Variants in GRIN2B observed in about 807,000 individuals in gnomAD.
GRIN2B encodes the protein glutamate receptor ionotropic, NMDA 2B.
Under a neutral mutation model 114.5 loss-of-function variants are expected in GRIN2B, and 5 were observed. That is an observed-to-expected ratio of 0.04 (90% confidence interval 0.02 to 0.09). The LOEUF (loss-of-function observed/expected upper bound fraction) is 0.09, where lower values mean the gene tolerates loss of function less well. Ranked by LOEUF, GRIN2B falls within the 10% of genes least tolerant of loss-of-function variation. GRIN2B has a pLI of 1.00. For synonymous variants in GRIN2B, 787 were observed against 745.1 expected (o/e 1.06, Z -0.92); for missense variants, 1,108 against 1,943.5 (o/e 0.57, Z 8.08).
chr12:13,867,200 A>T (rs1161918862), intron 2 of GRIN2B, among the ~76,000 whole-genome samples: 1 of 152,202 alleles, frequency 6.6e-6, no homozygotes, highest in African/African-American at 2.4e-5. Flanking sequence ...GCCATCCTAT[A>T]GTCGTGACTT....
chr12:13,627,289 T>C (rs1024699045), intron 5 of GRIN2B, among the ~76,000 whole-genome samples: 1 of 152,194 alleles, frequency 6.6e-6, no homozygotes, highest in Non-Finnish European at 1.5e-5. Flanking sequence ...TATCCTATCA[T>C]ACAGTTGTCT....
chr12:13,592,596 G>A (rs909554988), intron 10 of GRIN2B, among the ~76,000 whole-genome samples: 2 of 152,186 alleles, frequency 1.3e-5, no homozygotes, highest in South Asian at 4.1e-4. Flanking sequence ...ACAAAGGCCA[G>A]AAATGGGTAA....
intron 2 of GRIN2B, among the ~76,000 whole-genome samples, chr12:13,949,280 A>G (rs931457965): frequency 3.3e-5 from 5 of 152,316 alleles, no homozygotes; most frequent in African/African-American, 1.2e-4. Context: ...GAGAAATCTC[A>G]GAAGATTCTG....
chr12:13,934,924 C>T (rs75913602), intron 2 of GRIN2B, among the ~76,000 whole-genome samples: 4,176 of 152,168 alleles, frequency 0.027, 194 homozygotes, highest in African/African-American at 0.095. Context: ...TCTTCTAGGT[C>T]TCCAGCTAAA....
intron 10 of GRIN2B, among the ~76,000 whole-genome samples, chr12:13,602,038 G>T (rs577193306): frequency 3.3e-5 from 5 of 152,258 alleles, no homozygotes; most frequent in South Asian, 4.1e-4. Flanking sequence ...TTGGATGGAG[G>T]TCACCCTGGC....
At chr12:13,692,779 T>TTTTTTTTTTTTTTG in intron 4 of GRIN2B, among the ~76,000 whole-genome samples, 1 of 133,628 alleles carries the variant, frequency 7.5e-6, no homozygotes, top group Non-Finnish European at 1.6e-5. Flanking sequence ...TTTTTTTTTT[T>TTTTTTTTTTTTTTG]TTTTTTGAGG....
chr12:13,877,340 T>C (rs1287361215), intron 2 of GRIN2B, among the ~76,000 whole-genome samples: 1 of 152,200 alleles, frequency 6.6e-6, no homozygotes, highest in Non-Finnish European at 1.5e-5. Flanking sequence ...TTATTTCAGC[T>C]TCCTGGTTAT....
chr12:13,807,868 C>T (rs1451552956), intron 3 of GRIN2B, among the ~76,000 whole-genome samples: 1 of 151,966 alleles, frequency 6.6e-6, no homozygotes, highest in African/African-American at 2.4e-5. Context: ...GGAACCTTAA[C>T]CAACCCACCC....
intron 3 of GRIN2B, among the ~76,000 whole-genome samples, chr12:13,835,788 A>G (rs1009569966): frequency 4.6e-5 from 7 of 151,492 alleles, no homozygotes; most frequent in Non-Finnish European, 7.4e-5. Flanking sequence ...AAAAAAAAAA[A>G]AAAAAAAGAA....
intron 2 of GRIN2B, among the ~76,000 whole-genome samples, chr12:13,937,538 T>A (rs1348876560): frequency 1.3e-5 from 2 of 152,030 alleles, no homozygotes; most frequent in East Asian, 3.9e-4. Flanking sequence ...CCCAGAATTA[T>A]ATTCTCCAAT....
Position 13,784,078 on chromosome 12 carries a change from G to T in GRIN2B, c.412-30163C>A, listed in dbSNP as rs184551337. Among the ~76,000 whole-genome samples the T allele has an allele frequency of 5.9e-3, 891 of 151,952 alleles. 3 individuals are homozygous for T. Among genetic ancestry groups the T allele is most frequent in the Non-Finnish European group, 8.3e-3 (563 of 67,958 alleles). ...CTCTACTAAAAACTACAAAAAATTA[G>T]CCGGGCATGGTGGCAGGCACCTGTA... On this transcript the variant is annotated intron_variant, in intron 3 of 13. Transcript: ENST00000609686.
At chr12:13,765,407 T>C (rs1075010) in intron 3 of GRIN2B, among the ~76,000 whole-genome samples, 75,754 of 152,094 alleles carry the variant, frequency 0.5, 19,254 homozygotes, top group Non-Finnish European at 0.55. Flanking sequence ...GAAATTCATC[T>C]CTTTGTCTGC....
intron 5 of GRIN2B, among the ~76,000 whole-genome samples, chr12:13,631,949 G>A (rs1465422701): frequency 1.3e-5 from 2 of 152,202 alleles, no homozygotes; most frequent in African/African-American, 2.4e-5. Context: ...CTGACATCGA[G>A]AATTAATTAG....
At chr12:13,911,003 TA>T (rs1241948565) in intron 2 of GRIN2B, among the ~76,000 whole-genome samples, 1 of 152,012 alleles carries the variant, frequency 6.6e-6, no homozygotes, top group African/African-American at 2.4e-5. Flanking sequence ...CACCCTTACG[TA>T]AAAGATATTT....
intron 12 of GRIN2B, among the ~76,000 whole-genome samples, chr12:13,567,852 G>GT (rs1948661129): frequency 6.6e-6 from 1 of 152,072 alleles, no homozygotes; most frequent in African/African-American, 2.4e-5. Flanking sequence ...AGTGATGTAA[G>GT]AGTGCTGAAG....
chr12:13,911,501 A>G (rs1313837747), intron 2 of GRIN2B, among the ~76,000 whole-genome samples: 2 of 152,198 alleles, frequency 1.3e-5, no homozygotes, highest in African/African-American at 2.4e-5. Context: ...AATACTCATT[A>G]TTCTTCACAT....
intron 1 of GRIN2B, among the ~76,000 whole-genome samples, chr12:13,980,663 G>A (rs963292587): frequency 6.6e-6 from 1 of 151,922 alleles, no homozygotes; most frequent in African/African-American, 2.4e-5. Context: ...GGAAGGGGGG[G>A]AGAAGCGGCA....
intron 10 of GRIN2B, among the ~76,000 whole-genome samples, chr12:13,583,241 T>C (rs966419089): frequency 6.6e-6 from 1 of 152,194 alleles, no homozygotes; most frequent in Admixed American, 6.5e-5. Flanking sequence ...CTGGAAATAA[T>C]GATGATGATA....
intron 4 of GRIN2B, among the ~76,000 whole-genome samples, chr12:13,741,905 T>G (rs1224720876): frequency 1.3e-5 from 2 of 152,146 alleles, no homozygotes; most frequent in African/African-American, 4.8e-5. Flanking sequence ...CTTTTAAGCT[T>G]AAATTATGCT....
Sources: allele counts gnomAD v4.1 joint callset (sites outside exome capture counted in the v4.1 genomes callset), GRCh38; gene constraint gnomAD v4.1.1; transcripts MANE v1.5; gene names NCBI Gene and HGNC (gene_info 2026-07-23, HGNC 2026-07-21).